The following LEKR1 variants were observed in gnomAD, a reference collection of about 807,000 sequenced individuals.
LEKR1 encodes the protein leucine, glutamate and lysine rich 1.
LEKR1 carries 59 observed loss-of-function variants against 72.4 expected under a neutral mutation model. That is an observed-to-expected ratio of 0.82 (90% CI 0.66 to 1.01). LEKR1 has a LOEUF of 1.01. LEKR1 is among the 50% of genes least tolerant of loss of function. The pLI is 0.00. For missense variants in LEKR1, 728 were observed against 759.2 expected (o/e 0.96, Z 0.48); for synonymous variants, 257 against 263.2 (o/e 0.98, Z 0.23).
intron 2 of LEKR1, among the ~76,000 whole-genome samples, chr3:156,841,574 G>C (rs1216970644): frequency 6.6e-6 from 1 of 152,122 alleles, no homozygotes; most frequent in Non-Finnish European, 1.5e-5. Flanking sequence ...ATAAAGTGCA[G>C]CTTTGCACTT....
chr3:156,837,078 T>TA (rs932082129), intron 2 of LEKR1, among the ~76,000 whole-genome samples: 3 of 152,022 alleles, frequency 2.0e-5, no homozygotes, highest in Non-Finnish European at 2.9e-5. Flanking sequence ...AAATTCCTTT[T>TA]AAAAAAAATG....
intron 6 of LEKR1, among the ~76,000 whole-genome samples, chr3:156,946,465 T>G (rs62275815): frequency 0.032 from 4,802 of 151,632 alleles, 113 homozygotes; most frequent in Non-Finnish European, 0.047. Context: ...TAGCTAGGAT[T>G]TTCAGCACTG....
chr3:156,899,691 CATAT>C (rs368534984), intron 3 of LEKR1, among the ~76,000 whole-genome samples: 1 of 141,114 alleles, frequency 7.1e-6, no homozygotes, highest in Non-Finnish European at 1.5e-5. Context: ...CATATATACA[CATAT>C]ATACACGCAT....
rs1211939054 is a variant in LEKR1 at position 156,855,843 on chromosome 3, C to CT, written c.263+2869dup. On this transcript the variant is annotated intron_variant, in intron 3 of 12. Coordinates refer to ENST00000356539, the MANE Select transcript of LEKR1 (RefSeq NM_001004316.3). ...GGAAATCTGGGGTAAATTCACTCAA[C>CT]TTTTTTTTCCTTGCATCATTCCCTT... 5.9e-5 allele frequency among the ~76,000 whole-genome samples: 9 copies of CT among 151,994 alleles called. No individual in the cohort carries two copies. In the East Asian group the frequency reaches 1.3e-3, roughly 23 times the overall value.
At chr3:156,994,038 TAAGAACACA>T (rs1439989402) in intron 9 of LEKR1, among the ~76,000 whole-genome samples, 1 of 152,090 alleles carries the variant, frequency 6.6e-6, no homozygotes, top group Non-Finnish European at 1.5e-5. Context: ...TTATATTAAC[TAAGAACACA>T]AGTTTCATAA....
chr3:157,009,051 A>C (rs550245679), intron 9 of LEKR1, among the ~76,000 whole-genome samples: 1 of 152,272 alleles, frequency 6.6e-6, no homozygotes, highest in South Asian at 2.1e-4. Context: ...AATAAATGTT[A>C]AAAATACTTG....
chr3:156,955,810 T>TTTGTTGCTG (rs1727573816), intron 6 of LEKR1, among the ~76,000 whole-genome samples: 1 of 151,694 alleles, frequency 6.6e-6, no homozygotes, highest in African/African-American at 2.4e-5. Context: ...AAGTTTTCTT[T>TTTGTTGCTG]TTGTTGTTGT....
At chr3:156,861,264 C>CT (rs1446557243) in intron 3 of LEKR1, among the ~76,000 whole-genome samples, 1 of 152,080 alleles carries the variant, frequency 6.6e-6, no homozygotes, top group Non-Finnish European at 1.5e-5. Flanking sequence ...TATAAAAGGT[C>CT]TTATCTTTTA....
intron 3 of LEKR1, among the ~76,000 whole-genome samples, chr3:156,883,606 C>T (rs1719726614): frequency 6.6e-6 from 1 of 152,068 alleles, no homozygotes; most frequent in Admixed American, 6.6e-5. Context: ...GGGGTAGTTT[C>T]CCCCATACTG....
intron 5 of LEKR1, among the ~76,000 whole-genome samples, chr3:156,929,968 G>A (rs559746117): frequency 6.6e-6 from 1 of 152,186 alleles, no homozygotes; most frequent in Non-Finnish European, 1.5e-5. Context: ...ATCAGCCCTC[G>A]AGTTATTCAA....
At chr3:156,854,178 C>T (rs1715743253) in intron 3 of LEKR1, among the ~76,000 whole-genome samples, 1 of 118,650 alleles carries the variant, frequency 8.4e-6, no homozygotes, top group South Asian at 2.8e-4. Context: ...GAGTCTTGCT[C>T]TGTCACCAAG....
intron 10 of LEKR1, among the ~76,000 whole-genome samples, chr3:157,022,144 C>T (rs1733888439): frequency 6.6e-6 from 1 of 152,132 alleles, no homozygotes. Flanking sequence ...CTGTACTCTG[C>T]TCATCAAGTC....
chr3:156,876,064 C>T (rs960163513), intron 3 of LEKR1, among the ~76,000 whole-genome samples: 3 of 149,166 alleles, frequency 2.0e-5, no homozygotes, highest in Admixed American at 2.0e-4. Context: ...TGCCAATTAT[C>T]GTGGCACCAT....
At chr3:156,988,352 G>T in intron 7 of LEKR1, 2 of 225,978 alleles carry the variant, frequency 8.9e-6, no homozygotes, top group South Asian at 8.2e-5. Context: ...TGGGTCAGCT[G>T]ATTAATCTGC....
At chr3:156,911,817 G>A (rs1723135973) in intron 3 of LEKR1, among the ~76,000 whole-genome samples, 2 of 151,982 alleles carry the variant, frequency 1.3e-5, no homozygotes, top group Non-Finnish European at 1.5e-5. Flanking sequence ...GATTGTAGGT[G>A]TGAGGCTTTT....
At chr3:156,836,388 A>G (rs1424300622) in intron 2 of LEKR1, among the ~76,000 whole-genome samples, 1 of 152,128 alleles carries the variant, frequency 6.6e-6, no homozygotes, top group East Asian at 1.9e-4. Flanking sequence ...TGGAGAAACA[A>G]TTCAGCCAAC....
At chr3:156,848,775 A>T (rs945429207) in intron 2 of LEKR1, among the ~76,000 whole-genome samples, 2 of 152,216 alleles carry the variant, frequency 1.3e-5, no homozygotes, top group African/African-American at 4.8e-5. Context: ...AAAATGACTT[A>T]TAAGGATCAA....
intron 2 of LEKR1, among the ~76,000 whole-genome samples, chr3:156,848,044 G>A (rs1160820727): frequency 6.6e-6 from 1 of 152,160 alleles, no homozygotes; most frequent in African/African-American, 2.4e-5. Context: ...ACTTTGCCAG[G>A]AGCAGGGCAA....
At chr3:157,038,710 G>A (rs1735137104) in intron 12 of LEKR1, among the ~76,000 whole-genome samples, 1 of 152,166 alleles carries the variant, frequency 6.6e-6, no homozygotes, top group African/African-American at 2.4e-5. Flanking sequence ...AATATAGACA[G>A]GCCCACAGTC....
Sources: allele counts gnomAD v4.1 joint callset (sites outside exome capture counted in the v4.1 genomes callset), GRCh38; gene constraint gnomAD v4.1.1; transcripts MANE v1.5; gene names NCBI Gene and HGNC (gene_info 2026-07-23, HGNC 2026-07-21).